RPS6KA2: variants seen among roughly 807,000 people sequenced by gnomAD.
The protein encoded by RPS6KA2 is ribosomal protein S6 kinase alpha-2.
A neutral mutation model predicts 91.8 loss-of-function variants in RPS6KA2; 42 were observed. The observed-to-expected ratio is 0.46, with a 90% CI of 0.36 to 0.59. RPS6KA2 has a LOEUF of 0.59. Among genes scored for constraint, RPS6KA2 ranks in the 20% least tolerant of loss-of-function variants. The pLI is 0.00. For missense variants in RPS6KA2, 798 were observed against 978.5 expected (o/e 0.82, Z 2.46); for synonymous variants, 414 against 393.6 (o/e 1.05, Z -0.61).
intron 2 of RPS6KA2, among the ~76,000 whole-genome samples, chr6:166,670,945 T>C (rs1368732355): frequency 1.3e-5 from 2 of 152,192 alleles, no homozygotes; most frequent in Non-Finnish European, 2.9e-5. Flanking sequence ...CTCAGCCTCC[T>C]GAGCAGCTGG....
At chr6:166,538,468 G>A (rs562442688) in intron 2 of RPS6KA2, among the ~76,000 whole-genome samples, 200 bp downstream of exon 2, 10 of 152,276 alleles carry the variant, frequency 6.6e-5, no homozygotes, top group African/African-American at 2.4e-4. Flanking sequence ...ACGGCATTTT[G>A]TTCTCACCTG....
intron 2 of RPS6KA2, among the ~76,000 whole-genome samples, chr6:166,723,154 G>C (rs1245024827): frequency 6.6e-6 from 1 of 152,238 alleles, no homozygotes; most frequent in Admixed American, 6.5e-5. Context: ...GGGAAGGCTG[G>C]GCTGGGGCTG....
chr6:166,607,865 G>A (rs1041529860), intron 1 of RPS6KA2, among the ~76,000 whole-genome samples: 4 of 152,100 alleles, frequency 2.6e-5, no homozygotes, highest in African/African-American at 4.8e-5. Context: ...TCCTTTAGCC[G>A]GGCACCAGGT....
intron 1 of RPS6KA2, among the ~76,000 whole-genome samples, chr6:166,550,091 G>C (rs1234864380): frequency 9.2e-5 from 14 of 152,102 alleles, no homozygotes; most frequent in African/African-American, 1.9e-4. Flanking sequence ...TTACAAGGTA[G>C]GAAAAATATT....
chr6:166,725,510 C>T (rs1265351164), intron 2 of RPS6KA2, among the ~76,000 whole-genome samples: 1 of 152,256 alleles, frequency 6.6e-6, no homozygotes, highest in Non-Finnish European at 1.5e-5. Context: ...CGAGAGCCCA[C>T]AGCAGGTGGA....
intron 10 of RPS6KA2, among the ~76,000 whole-genome samples, chr6:166,480,120 T>C (rs2128469387): frequency 6.6e-6 from 1 of 152,268 alleles, no homozygotes; most frequent in South Asian, 2.1e-4. Context: ...GCTTTACTTT[T>C]GCAGAGATTT....
chr6:166,529,149 T>G (rs1036017239), intron 3 of RPS6KA2, among the ~76,000 whole-genome samples: 1 of 152,194 alleles, frequency 6.6e-6, no homozygotes, highest in Non-Finnish European at 1.5e-5. Context: ...CTATTCACCA[T>G]AGCAAAGACT....
At chr6:166,499,295 G>A (rs1781929224) in intron 7 of RPS6KA2, among the ~76,000 whole-genome samples, 2 of 152,242 alleles carry the variant, frequency 1.3e-5, no homozygotes, top group Non-Finnish European at 2.9e-5. Context: ...GGATGACAGA[G>A]CGTGGCTAAA....
chr6:166,417,600 C>G (rs920971004), intron 19 of RPS6KA2, among the ~76,000 whole-genome samples: 1 of 144,248 alleles, frequency 6.9e-6, no homozygotes, highest in East Asian at 2.1e-4. Context: ...CAATTTCTTA[C>G]AAATAAATCT....
At position 166,750,280 on chromosome 6, in the gene RPS6KA2, G is replaced by T. The variant is rs556647085; in HGVS notation, c.123+107920C>A. ...TGTCCTCAGCTTCTCCCCTGGGGGG[G>T]TGCTCACCAGCCCAGGGCCCCACCC... On this transcript the variant is annotated intron_variant, in intron 2 of 21. Transcript: ENST00000503859. Among the ~76,000 whole-genome samples, 17 of 152,222 alleles carry T rather than the reference G, an allele frequency of 1.1e-4. No homozygotes were observed. The East Asian group carries it at 2.9e-3, about 26-fold the overall frequency.
Position 166,493,512 on chromosome 6 carries a change from GA to G in RPS6KA2, c.748-2772del, listed in dbSNP as rs1413978103. 6.6e-6 allele frequency among the ~76,000 whole-genome samples: 1 copy of G among 152,070 alleles called. No homozygotes were observed. The highest frequency in any genetic ancestry group is 1.5e-5 in the Non-Finnish European group (1 of 68,014). ...CTTCCGGGGTGAACTGAGAAAAGCC[GA>G]GGTTCATCTTGGGGTTCCCACAGTC... On this transcript the variant is annotated intron_variant, in intron 8 of 20. Transcript: ENST00000265678. This position sits in a 1 kb window ranked among gnomAD's most constrained non-coding sequence, Gnocchi z 4.7.
At chr6:166,837,595 C>T (rs536186217) in intron 2 of RPS6KA2, among the ~76,000 whole-genome samples, 13 of 152,326 alleles carry the variant, frequency 8.5e-5, no homozygotes, top group Admixed American at 3.3e-4. Flanking sequence ...AGGATGGCCC[C>T]GTGGCTGGGG....
intron 2 of RPS6KA2, among the ~76,000 whole-genome samples, chr6:166,809,165 A>G (rs887226910): frequency 6.6e-6 from 1 of 152,198 alleles, no homozygotes; most frequent in Non-Finnish European, 1.5e-5. Context: ...TACATGAAGA[A>G]GATGAGGGCA....
At chr6:166,421,470 A>C (rs188748863) in intron 17 of RPS6KA2, among the ~76,000 whole-genome samples, 1 of 152,126 alleles carries the variant, frequency 6.6e-6, no homozygotes, top group Non-Finnish European at 1.5e-5. Flanking sequence ...CCTACCCCCA[A>C]CCAGAGAGGA....
intron 2 of RPS6KA2, among the ~76,000 whole-genome samples, chr6:166,652,387 A>G (rs1562365466): frequency 1.3e-5 from 2 of 152,222 alleles, no homozygotes; most frequent in South Asian, 4.1e-4. Flanking sequence ...CATTGTCTTC[A>G]ACACAAGATA....
rs926056570 is a variant in RPS6KA2, at chr6:166,849,401, T to C, written c.123+8799A>G. 1.3e-5 allele frequency among the ~76,000 whole-genome samples: 2 copies of C among 152,188 alleles called. No homozygotes were observed. The highest frequency in any genetic ancestry group is 2.9e-5 in the Non-Finnish European group (2 of 68,040). ...TTTGCGAGGATGCTAAAATATAAGA[T>C]TCGTGCTGTCTTCTTTTTCATAGAA... On this transcript the variant is annotated intron_variant, in intron 2 of 21. Transcript: ENST00000503859. This position sits in a 1 kb window ranked among gnomAD's most constrained non-coding sequence, Gnocchi z 4.9.
Position 166,639,350 on chromosome 6 carries a change from G to A in RPS6KA2, c.124-100566C>T, listed in dbSNP as rs183593890. 3.9e-5 allele frequency among the ~76,000 whole-genome samples: 6 copies of A among 152,206 alleles called. No individual in the cohort carries two copies. The highest frequency in any genetic ancestry group is 3.4e-3 in the Middle Eastern group (1 of 294). Reference sequence around the variant, plus strand: ...ACTGTGCCTTCTACATGTTTTCCCCGTCTTGCCTTCTTTCCAACCCTGCCC... The same window carrying A: ...ACTGTGCCTTCTACATGTTTTCCCCATCTTGCCTTCTTTCCAACCCTGCCC... On this transcript the variant is annotated intron_variant, in intron 2 of 21. Coordinates refer to the RPS6KA2 transcript ENST00000503859. This position sits in a 1 kb window ranked among gnomAD's most constrained non-coding sequence, Gnocchi z 4.2.
At chr6:166,723,142 G>A (rs1192269005) in intron 2 of RPS6KA2, among the ~76,000 whole-genome samples, 2 of 152,254 alleles carry the variant, frequency 1.3e-5, no homozygotes, top group Non-Finnish European at 2.9e-5. Context: ...CCCCCGCCTG[G>A]TGGGAAGGCT....
intron 10 of RPS6KA2, among the ~76,000 whole-genome samples, chr6:166,487,398 G>A (rs1350153385): frequency 1.3e-5 from 2 of 152,282 alleles, no homozygotes; most frequent in Middle Eastern, 3.4e-3. Context: ...TGCTCTCCTG[G>A]TAGCCACGCT....
Sources: allele counts gnomAD v4.1 joint callset (sites outside exome capture counted in the v4.1 genomes callset), GRCh38; gene constraint gnomAD v4.1.1; non-coding constraint Gnocchi (gnomAD v3.1); transcripts MANE v1.5; gene names NCBI Gene and HGNC (gene_info 2026-07-23, HGNC 2026-07-21).